Variants in CCDC171 observed in about 807,000 individuals in gnomAD.
CCDC171 encodes the protein coiled-coil domain containing 171.
In CCDC171, 177 loss-of-function variants were observed where a neutral mutation model predicts 168.2. That is an observed-to-expected ratio of 1.05 (90% CI 0.93 to 1.19). The LOEUF (loss-of-function observed/expected upper bound fraction) is 1.19. CCDC171 is among the 50% of genes most tolerant of loss of function. The probability of loss-of-function intolerance (pLI) is 0.00; values close to 1 mark genes in which losing one functional copy is unlikely to be tolerated. For synonymous variants in CCDC171, 687 were observed against 540.8 expected, an observed-to-expected ratio of 1.27 and a Z score of -3.75; for missense variants, 1,991 against 1,539.0, an observed-to-expected ratio of 1.29 and a Z score of -4.91.
At chr9:15,724,747 A>G (rs773574375) in intron 13 of CCDC171, 29 bp from the exon 14 acceptor site, 1 of 1,556,086 alleles carries the variant, frequency 6.4e-7, no homozygotes, top group African/African-American at 1.4e-5. Context: ...TGGCCTTTCT[A>G]CAATCTCTTT....
chr9:15,882,146 A>G (rs1818734443), intron 24 of CCDC171, among the ~76,000 whole-genome samples: 1 of 152,126 alleles, frequency 6.6e-6, no homozygotes, highest in South Asian at 2.1e-4. Flanking sequence ...CCGGGGTGAG[A>G]TGATAGCTCA....
chr9:16,105,406 G>T, the CCDC171 span, among the ~76,000 whole-genome samples: 1 of 151,992 alleles, frequency 6.6e-6, no homozygotes, highest in Admixed American at 6.5e-5. Flanking sequence ...GTGTCACTTG[G>T]CTGGCCTGAC....
intron 7 of CCDC171, among the ~76,000 whole-genome samples, chr9:15,638,790 A>T (rs923222299): frequency 1.3e-5 from 2 of 151,966 alleles, no homozygotes; most frequent in Non-Finnish European, 2.9e-5. Context: ...CTCCCAATCC[A>T]ATTTTATAAA....
chr9:15,691,365 A>G (rs1263584003), intron 10 of CCDC171, among the ~76,000 whole-genome samples: 2 of 151,536 alleles, frequency 1.3e-5, no homozygotes, highest in African/African-American at 4.8e-5. Context: ...GAATTAAAAA[A>G]TTATAGATAG....
chr9:15,590,312 C>T (rs915733596), intron 4 of CCDC171, among the ~76,000 whole-genome samples: 1 of 152,188 alleles, frequency 6.6e-6, no homozygotes, highest in Admixed American at 6.5e-5. Context: ...TTTAGAAATA[C>T]TGCTAATATA....
chr9:15,564,183 A>G (rs2039541344), intron 2 of CCDC171, 54 bp downstream of exon 2: 4 of 1,362,940 alleles, frequency 2.9e-6, no homozygotes, highest in Admixed American at 3.8e-5. Flanking sequence ...TGCAAGGAAC[A>G]GGGAGAAGTC....
intron 6 of CCDC171, among the ~76,000 whole-genome samples, chr9:15,595,454 C>T (rs895810833): frequency 6.6e-6 from 1 of 152,168 alleles, no homozygotes; most frequent in Non-Finnish European, 1.5e-5. Context: ...CAGCTTCATC[C>T]ATGTCCCTAC....
At chr9:15,593,468 T>G (rs1376873070) in intron 5 of CCDC171, among the ~76,000 whole-genome samples, 1 of 152,088 alleles carries the variant, frequency 6.6e-6, no homozygotes, top group Non-Finnish European at 1.5e-5. Context: ...AAATTTCTTG[T>G]TTTTTTGCTT....
chr9:15,600,257 C>A (rs970007672), intron 6 of CCDC171, among the ~76,000 whole-genome samples: 2 of 152,132 alleles, frequency 1.3e-5, no homozygotes, highest in African/African-American at 4.8e-5. Flanking sequence ...TTTTCCCCAT[C>A]TTTGTGGTTT....
intron 25 of CCDC171, among the ~76,000 whole-genome samples, chr9:15,959,204 T>G (rs1046848748): frequency 6.6e-6 from 1 of 152,160 alleles, no homozygotes; most frequent in African/African-American, 2.4e-5. Flanking sequence ...CTAGGGTCAT[T>G]GTAAGGATGA....
intron 11 of CCDC171, among the ~76,000 whole-genome samples, chr9:15,712,473 T>A (rs936375945): frequency 1.3e-5 from 2 of 152,210 alleles, no homozygotes; most frequent in African/African-American, 4.8e-5. Context: ...ACAATCTTAT[T>A]TCCACACTTC....
intron 3 of CCDC171, among the ~76,000 whole-genome samples, chr9:16,017,533 C>T (rs1444696529): frequency 4.6e-5 from 7 of 151,868 alleles, no homozygotes; most frequent in Admixed American, 1.3e-4. Context: ...AGGATTTTTA[C>T]GTTAAAGAAA....
At chr9:15,805,466 G>T (rs564536365) in intron 21 of CCDC171, among the ~76,000 whole-genome samples, 1 of 152,116 alleles carries the variant, frequency 6.6e-6, no homozygotes, top group Non-Finnish European at 1.5e-5. Context: ...TAGTTTCAAA[G>T]AACTTCTTGA....
At chr9:15,866,358 A>G (rs2061785104) in intron 23 of CCDC171, among the ~76,000 whole-genome samples, 2 of 151,926 alleles carry the variant, frequency 1.3e-5, no homozygotes, top group South Asian at 4.1e-4. Flanking sequence ...GCATTAGGCT[A>G]GATGGGGGCT....
intron 7 of CCDC171, among the ~76,000 whole-genome samples, chr9:15,635,664 C>G (rs2046146199): frequency 6.6e-6 from 1 of 152,194 alleles, no homozygotes; most frequent in Non-Finnish European, 1.5e-5. Flanking sequence ...ACATTACATC[C>G]TTTAATCCAA....
chr9:15,695,115 T>G, intron 10 of CCDC171, 120 bp from the exon 11 acceptor site: 3 of 660,556 alleles, frequency 4.5e-6, no homozygotes, highest in Non-Finnish European at 5.4e-6. Context: ...GATGGTTTAT[T>G]AATAATATAT....
At chr9:15,619,837 G>GC (rs1396289767) in intron 6 of CCDC171, among the ~76,000 whole-genome samples, 4 of 152,122 alleles carry the variant, frequency 2.6e-5, no homozygotes, top group Admixed American at 6.5e-5. Context: ...CTGGTTAGGG[G>GC]CTAATATTGC....
At position 15,618,899 on chromosome 9, in the gene CCDC171, C is replaced by T. The variant is rs561614337; in HGVS notation, c.676-4368C>T. Among the ~76,000 whole-genome samples the T allele has an allele frequency of 9.0e-4, 137 of 151,964 alleles. 2 individuals are homozygous for T. In the South Asian group the frequency reaches 0.027, roughly 30 times the overall value. ...CCTCAGTTGGAAATGCAGAAATCAC[C>T]CACCTTCTGCGTTGGTCTCGCTGGG... On this transcript the variant is annotated intron_variant, in intron 6 of 25. Coordinates refer to ENST00000380701, the MANE Select transcript of CCDC171 (RefSeq NM_173550.4).
the CCDC171 span, among the ~76,000 whole-genome samples, chr9:16,090,098 C>G: frequency 2.6e-5 from 4 of 152,160 alleles, no homozygotes; most frequent in African/African-American, 7.2e-5. Context: ...ATAAATCATT[C>G]TACTATAAAG....
Sources: gnomAD v4.1 joint callset for allele counts (sites outside exome capture counted in the v4.1 genomes callset) on GRCh38, gnomAD v4.1.1 for gene constraint, MANE v1.5 for transcripts, NCBI Gene and HGNC (gene_info 2026-07-23, HGNC 2026-07-21) for gene names.